The following CR1L variants were observed in gnomAD, a reference collection of about 807,000 sequenced individuals.
The protein encoded by CR1L is complement C3b/C4b receptor 1 like.
In CR1L, 59 loss-of-function variants were observed where a neutral mutation model predicts 62.3. That is an observed-to-expected ratio of 0.95 (90% CI 0.77 to 1.18). The LOEUF (loss-of-function observed/expected upper bound fraction) is 1.18. Among genes scored for constraint, CR1L ranks in the 50% most tolerant of loss-of-function variants. The pLI is 0.00. For missense variants in CR1L, 700 were observed against 702.8 expected (o/e 1.00, Z 0.04); for synonymous variants, 279 against 248.7 (o/e 1.12, Z -1.15).
chr1:207,678,287 T>G lies in CR1L; in HGVS notation c.367T>G (p.Cys123Gly). 3 of 1,613,198 alleles carry G rather than the reference T, an allele frequency of 1.9e-6. No individual in the cohort carries two copies. Among genetic ancestry groups the G allele is most frequent in the Non-Finnish European group, 2.5e-6 (3 of 1,179,158 alleles). Residue 123 changes from cysteine (C) to glycine (G), a missense_variant, in exon 3 of 12, where the codon TGT becomes GGT. Physicochemically the swap from Cys to Gly is radical, Grantham distance 159. Transcript: ENST00000508064. ...IQFRSQIKYS[C>G]PKGYRLIGSS... ...GTTCAGATCCCAAATTAAATATTCTTGTCCTAAAGGGTGAGTTGGCATCTC... is the reference window on the plus strand; with the variant it reads ...GTTCAGATCCCAAATTAAATATTCTGGTCCTAAAGGGTGAGTTGGCATCTC...
intron 10 of CR1L, chr1:207,711,552 C>A (rs926282391): frequency 6.6e-6 from 1 of 152,518 alleles, no homozygotes; most frequent in African/African-American, 2.4e-5. Flanking sequence ...GAAGTTACCA[C>A]CCCTTTCCAG....
intron 5 of CR1L, among the ~76,000 whole-genome samples, chr1:207,695,967 A>G (rs1664096160): frequency 6.6e-6 from 1 of 152,196 alleles, no homozygotes; most frequent in Admixed American, 6.5e-5. Context: ...ACAATTTGAC[A>G]TGAGATTTGG....
intron 1 of CR1L, among the ~76,000 whole-genome samples, chr1:207,664,983 A>AGGTAAAGGTG (rs1663491755): frequency 6.6e-6 from 1 of 152,248 alleles, no homozygotes; most frequent in Non-Finnish European, 1.5e-5. Flanking sequence ...TACCCCAAGC[A>AGGTAAAGGTG]CATTACTTTT....
Position 207,710,861 on chromosome 1 carries a change from A to AG in CR1L, c.1414+2603dup, listed in dbSNP as rs1484893912. On this transcript the variant is annotated intron_variant, in intron 10 of 11. Coordinates refer to ENST00000508064, the MANE Select transcript of CR1L (RefSeq NM_175710.2). Reference sequence around the variant, plus strand: ...TGGATCAGGAGATGAGTATTTGTTTAGGGGGAGGGATGTATGTTGAGGAGG... The same window carrying AG: ...TGGATCAGGAGATGAGTATTTGTTTAGGGGGGAGGGATGTATGTTGAGGAGG... 5.8e-5 allele frequency: 78 copies of AG among 1,339,088 alleles called. 2 individuals carry two copies. In the South Asian group the frequency reaches 8.4e-4, roughly 14 times the overall value. The allele number at this position is 1,339,088 out of a possible 1,614,324, so 83.0% of individuals were successfully genotyped here.
In CR1L at chr1:207,717,754, T is replaced by G. The variant is rs139287438; in HGVS notation, c.1642+63T>G. 5.0e-4 allele frequency: 789 copies of G among 1,572,702 alleles called. 2 individuals carry two copies. The African/African-American group carries it at 9.1e-3, about 18-fold the overall frequency. On this transcript the variant is annotated intron_variant, in intron 11 of 11. Coordinates refer to ENST00000508064, the MANE Select transcript of CR1L (RefSeq NM_175710.2). The stretch of plus-strand genomic sequence containing the variant: ...AATATGTAGGTGAGAACCTTCATAT[T>G]TCTATAGTGACAGTCATTTTTGCTT...
chr1:207,658,137 C>T (rs1271418070), intron 1 of CR1L, among the ~76,000 whole-genome samples: 1 of 151,896 alleles, frequency 6.6e-6, no homozygotes, highest in Non-Finnish European at 1.5e-5. Context: ...GCATTGCTTA[C>T]AGGGGAATGT....
chr1:207,646,710 C>CAAA (rs34443417), intron 1 of CR1L, among the ~76,000 whole-genome samples: 673 of 64,554 alleles, frequency 0.01, 20 homozygotes, highest in Non-Finnish European at 0.011. Context: ...GACCCTGTCT[C>CAAA]AAAAAAAAAA....
At chr1:207,680,600 T>C (rs1663780827) in intron 3 of CR1L, among the ~76,000 whole-genome samples, 1 of 152,128 alleles carries the variant, frequency 6.6e-6, no homozygotes, top group Admixed American at 6.5e-5. Flanking sequence ...TACCAAAGAA[T>C]TGTATATTGT....
At chr1:207,663,081 AT>A (rs1260810064) in intron 1 of CR1L, among the ~76,000 whole-genome samples, 2 of 152,158 alleles carry the variant, frequency 1.3e-5, no homozygotes, top group Admixed American at 1.3e-4. Context: ...CAGTTAGGCT[AT>A]TTGGGGGTCA....
chr1:207,673,383 T>C (rs1229956832), intron 1 of CR1L, among the ~76,000 whole-genome samples: 1 of 152,250 alleles, frequency 6.6e-6, no homozygotes, highest in Non-Finnish European at 1.5e-5. Flanking sequence ...TTTTTTAAGC[T>C]GACAGACATG....
Position 207,645,329 on chromosome 1 carries a change from C to A in CR1L, c.96C>A (p.Ser32=), listed in dbSNP as rs775507855. 6.2e-7 allele frequency: 1 copy of A among 1,613,950 alleles called. No individual in the cohort carries two copies. The highest frequency in any genetic ancestry group is 8.5e-7 in the Non-Finnish European group (1 of 1,179,878). The change falls in exon 1 of 12, where the codon TCC becomes TCA. Residue 32 remains serine (S), a splice_region_variant and synonymous_variant. Coordinates refer to ENST00000508064, the MANE Select transcript of CR1L (RefSeq NM_175710.2). The part of the protein sequence containing the change: ...AALVLLLSSF[S]DQCNVPEWLP... ...TGGTGTTGCTGCTGTCCTCCTTCTC[C>A]GGTAGGACCCCGGGGTGGATTCGCG...
chr1:207,660,237 C>G (rs576898225), intron 1 of CR1L, among the ~76,000 whole-genome samples: 41 of 152,336 alleles, frequency 2.7e-4, no homozygotes, highest in Admixed American at 5.9e-4. Flanking sequence ...GTCCCTGACC[C>G]CCGTATAGCC....
intron 1 of CR1L, 82 bp from the exon 2 acceptor site, chr1:207,677,307 C>CAAAAAAAAAAAAAAAAAAAAAA (rs57151160): frequency 3.9e-6 from 2 of 506,356 alleles, no homozygotes; most frequent in Non-Finnish European, 5.4e-6. Context: ...GACTCTGTCA[C>CAAAAAAAAAAAAAAAAAAAAAA]AAAAAAAAAA....
Position 207,683,807 on chromosome 1 carries a change from A to C in CR1L, c.378-65A>C, listed in dbSNP as rs1015999544. ...CTATAAGAGTGTAATCTCTGGAAGT[A>C]GTAATTTAATTGGGTAGTTGACCTG... On this transcript the variant is annotated intron_variant, in intron 3 of 11. Coordinates refer to ENST00000508064, the MANE Select transcript of CR1L (RefSeq NM_175710.2). 5 of 1,433,634 alleles carry C rather than the reference A, an allele frequency of 3.5e-6. No homozygotes were observed. The African/African-American group carries it at 5.6e-5, about 16-fold the overall frequency. 88.8% of individuals were successfully genotyped at this position (1,433,634 alleles called of 1,614,324 possible).
At chr1:207,693,838 T>C (rs1315437175) in intron 4 of CR1L, among the ~76,000 whole-genome samples, 1 of 152,166 alleles carries the variant, frequency 6.6e-6, no homozygotes, top group Admixed American at 6.5e-5. Context: ...TATGTTTCCA[T>C]TTATATCATT....
chr1:207,697,818 C>A lies in CR1L; in HGVS notation c.1087C>A (p.Leu363Ile). 1 of 1,613,964 alleles carries A rather than the reference C, an allele frequency of 6.2e-7. No individual in the cohort carries two copies. The highest frequency in any genetic ancestry group is 8.5e-7 in the Non-Finnish European group (1 of 1,179,882). Residue 363 changes from leucine to isoleucine, a missense_variant, in exon 7 of 12, where the codon CTA (leucine) becomes ATA (isoleucine). Physicochemically the swap from Leu to Ile is conservative, Grantham distance 5. Transcript: ENST00000508064. ...FLGQLPNGHV[L>I]FPLNLQLGAK... The stretch of plus-strand genomic sequence containing the variant: ...GGGCCAACTTCCTAATGGCCATGTG[C>A]TATTTCCACTTAATCTCCAGCTTGG...
intron 1 of CR1L, among the ~76,000 whole-genome samples, chr1:207,661,859 A>C (rs1291601371): frequency 1.3e-5 from 2 of 152,178 alleles, no homozygotes; most frequent in African/African-American, 4.8e-5. Flanking sequence ...AAAATCTCTC[A>C]GCATTTGCTT....
intron 1 of CR1L, among the ~76,000 whole-genome samples, chr1:207,668,388 G>T (rs1571649072): frequency 1.3e-5 from 2 of 151,016 alleles, no homozygotes; most frequent in African/African-American, 5.0e-5. Flanking sequence ...GAATCTAGGG[G>T]ATATTATATT....
intron 2 of CR1L, among the ~76,000 whole-genome samples, 157 bp from the exon 3 acceptor site, chr1:207,678,040 TG>T (rs1663728511): frequency 6.6e-6 from 1 of 152,322 alleles, no homozygotes; most frequent in Admixed American, 6.5e-5. Flanking sequence ...GAGCTGATCC[TG>T]AGGCAGTCTG....
Sources: allele counts gnomAD v4.1 joint callset (sites outside exome capture counted in the v4.1 genomes callset), GRCh38; gene constraint gnomAD v4.1.1; transcripts MANE v1.5; gene names NCBI Gene and HGNC (gene_info 2026-07-23, HGNC 2026-07-21).